The following CYYR1 variants were observed in gnomAD, a reference collection of about 807,000 sequenced individuals.
CYYR1 encodes the protein cysteine and tyrosine-rich protein 1.
CYYR1 carries 14 observed loss-of-function variants against 15.2 expected under a neutral mutation model. The ratio of observed to expected loss-of-function variants is 0.92; its 90% CI spans 0.61 to 1.44. CYYR1 has a LOEUF of 1.44. Among genes scored for constraint, CYYR1 ranks in the 40% most tolerant of loss-of-function variants. The pLI is 0.00. For synonymous variants in CYYR1, 80 were observed against 77.4 expected (o/e 1.03, Z -0.18); for missense variants, 228 against 209.5 (o/e 1.09, Z -0.54).
At chr21:26,504,268 T>C (rs2830264) in intron 2 of CYYR1, among the ~76,000 whole-genome samples, 56,089 of 151,670 alleles carry the variant, frequency 0.37, 10,688 homozygotes, top group Non-Finnish European at 0.42. Context: ...GAGTCTTGCC[T>C]TGTCACATTT....
At chr21:26,531,703 C>G (rs181442029) in intron 2 of CYYR1, among the ~76,000 whole-genome samples, 1 of 152,060 alleles carries the variant, frequency 6.6e-6, no homozygotes, top group African/African-American at 2.4e-5. Flanking sequence ...ATTACCCAGT[C>G]TCAGGTAGTT....
chr21:26,512,533 A>C (rs2065663328), intron 2 of CYYR1, among the ~76,000 whole-genome samples: 1 of 152,084 alleles, frequency 6.6e-6, no homozygotes, highest in African/African-American at 2.4e-5. Context: ...AGCACGCTAC[A>C]TCCTAGGGGC....
At chr21:26,551,613 A>G (rs1979392083) in intron 2 of CYYR1, 1 of 156,974 alleles carries the variant, frequency 6.4e-6, no homozygotes, top group Non-Finnish European at 1.4e-5. Flanking sequence ...TAGTGATAAT[A>G]TCAAGGAAAT....
chr21:26,542,290 C>T (rs28409534), intron 2 of CYYR1, among the ~76,000 whole-genome samples: 7,135 of 127,894 alleles, frequency 0.056, 249 homozygotes, highest in African/African-American at 0.11. Flanking sequence ...TGTGTGTGTG[C>T]GTGTGTGTGT....
At chr21:26,539,890 A>T (rs186391145) in intron 2 of CYYR1, among the ~76,000 whole-genome samples, 96 of 152,330 alleles carry the variant, frequency 6.3e-4, no homozygotes, top group African/African-American at 2.3e-3. Context: ...ATTCATAAGT[A>T]GCATTTTAAT....
chr21:26,531,651 C>T (rs1339251168), intron 2 of CYYR1, among the ~76,000 whole-genome samples: 6 of 152,102 alleles, frequency 3.9e-5, no homozygotes, highest in Non-Finnish European at 7.3e-5. Flanking sequence ...TCCTGTACAG[C>T]CTGTGGAACT....
Position 26,467,805 on chromosome 21 carries a change from C to T in CYYR1, c.*696G>A, listed in dbSNP as rs2064986796. On this transcript the variant is annotated 3_prime_UTR_variant, in exon 4 of 4. Transcript: ENST00000652641. ...TCCAACTCTTTCTGTTGTATTCACTCCTGGACATATAGAAATTCACTTCAC... is the reference window on the plus strand; with the variant it reads ...TCCAACTCTTTCTGTTGTATTCACTTCTGGACATATAGAAATTCACTTCAC... 6.5e-6 allele frequency: 1 copy of T among 153,364 alleles called. No homozygotes were observed. The highest frequency in any genetic ancestry group is 2.0e-4 in the South Asian group (1 of 4,880). The allele number at this position is 153,364 out of a possible 1,614,324, so 9.5% of individuals were successfully genotyped here.
At chr21:26,549,473 AT>A (rs1979224330) in intron 2 of CYYR1, among the ~76,000 whole-genome samples, 1 of 152,216 alleles carries the variant, frequency 6.6e-6, no homozygotes, top group South Asian at 2.1e-4. Context: ...AATAAACCTA[AT>A]TTAAAATGAA....
At chr21:26,565,001 T>C (rs1189952227) in intron 2 of CYYR1, among the ~76,000 whole-genome samples, 5 of 152,226 alleles carry the variant, frequency 3.3e-5, no homozygotes, top group African/African-American at 9.7e-5. Flanking sequence ...AAAAGTGGGC[T>C]TAATTTCTTT....
At chr21:26,560,053 A>T (rs1054770814) in intron 2 of CYYR1, among the ~76,000 whole-genome samples, 2 of 152,150 alleles carry the variant, frequency 1.3e-5, no homozygotes, top group Non-Finnish European at 2.9e-5. Context: ...TTAAATATTG[A>T]CATCTTTACA....
At chr21:26,518,637 T>A (rs1041175734) in intron 2 of CYYR1, 1 of 152,256 alleles carries the variant, frequency 6.6e-6, no homozygotes, top group African/African-American at 2.4e-5. Context: ...GCAGACAGAC[T>A]AAGACACTGC....
intron 2 of CYYR1, among the ~76,000 whole-genome samples, chr21:26,487,456 T>C (rs1215863088): frequency 6.6e-6 from 1 of 152,108 alleles, no homozygotes; most frequent in Non-Finnish European, 1.5e-5. Context: ...AGAATAAATC[T>C]TGGCAAAATT....
chr21:26,488,240 A>ACCTCCTTCCTTC (rs1555904366), intron 2 of CYYR1, among the ~76,000 whole-genome samples: 1 of 139,320 alleles, frequency 7.2e-6, no homozygotes, highest in African/African-American at 2.7e-5. Context: ...ATCTTCCCCT[A>ACCTCCTTCCTTC]CTTCCTTCCT....
chr21:26,499,467 C>G (rs1234592832), intron 2 of CYYR1, among the ~76,000 whole-genome samples: 2 of 152,198 alleles, frequency 1.3e-5, no homozygotes, highest in Non-Finnish European at 2.9e-5. Context: ...CCCAGAACGT[C>G]AAGAGAATAA....
intron 2 of CYYR1, among the ~76,000 whole-genome samples, chr21:26,560,323 G>A (rs533204719): frequency 1.4e-3 from 215 of 152,194 alleles, no homozygotes; most frequent in Middle Eastern, 0.01. Context: ...GGTGAATTCC[G>A]TTATTTTTCA....
At position 26,480,382 on chromosome 21, in the gene CYYR1, C is replaced by G; in HGVS notation, c.224G>C (p.Gly75Ala). 1.9e-6 allele frequency: 3 copies of G among 1,613,380 alleles called. No individual in the cohort carries two copies. Among genetic ancestry groups the G allele is most frequent in the Non-Finnish European group, 1.7e-6 (2 of 1,179,622 alleles). Reference protein sequence around the residue: ...GIVFGIVFIMGVIAGIAICIC... With the variant: ...GIVFGIVFIMAVIAGIAICIC... ...GCATATGGCAATCCCAGCAATGACCCCCATGATAAATACTATTCCAAAAAC... is the reference window on the plus strand; with the variant it reads ...GCATATGGCAATCCCAGCAATGACCGCCATGATAAATACTATTCCAAAAAC... Residue 75 changes from glycine (G) to alanine (A), a missense_variant, in exon 3 of 4, where the codon GGG becomes GCG. Coordinates refer to ENST00000652641, the MANE Select transcript of CYYR1 (RefSeq NM_001320768.2).
At position 26,467,121 on chromosome 21, in the gene CYYR1, T is replaced by C. The variant is rs1408248095; in HGVS notation, c.*1380A>G. The C allele has an allele frequency of 6.6e-6, 1 of 152,192 alleles. No individual in the cohort carries two copies. The highest frequency in any genetic ancestry group is 1.5e-5 in the Non-Finnish European group (1 of 68,024). The allele number at this position is 152,192 out of a possible 1,614,324, so 9.4% of individuals were successfully genotyped here. A position where few individuals can be genotyped will look rare whatever the true frequency, so the allele number is the denominator to read the frequency against. On this transcript the variant is annotated 3_prime_UTR_variant, in exon 4 of 4. Transcript: ENST00000652641. ...TTGGGATTTCACTGAATTTTGATGATGATATTGGATTAAGCATTTTAGATT... is the reference window on the plus strand; with the variant it reads ...TTGGGATTTCACTGAATTTTGATGACGATATTGGATTAAGCATTTTAGATT...
intron 2 of CYYR1, among the ~76,000 whole-genome samples, chr21:26,554,400 T>C (rs553656021): frequency 1.3e-5 from 2 of 152,240 alleles, no homozygotes; most frequent in East Asian, 3.9e-4. Flanking sequence ...AGTTTCTGAG[T>C]GGGTTTCTCC....
chr21:26,548,349 A>T (rs1484541313), intron 2 of CYYR1, among the ~76,000 whole-genome samples: 3 of 152,142 alleles, frequency 2.0e-5, no homozygotes, highest in African/African-American at 7.2e-5. Context: ...TATTTGTCTA[A>T]TGATTATTAT....
Sources: gnomAD v4.1 joint callset for allele counts (sites outside exome capture counted in the v4.1 genomes callset) on GRCh38, gnomAD v4.1.1 for gene constraint, MANE v1.5 for transcripts, NCBI Gene and HGNC (gene_info 2026-07-23, HGNC 2026-07-21) for gene names.